LRP12: variants seen among roughly 807,000 people sequenced by gnomAD.
LRP12 encodes low-density lipoprotein receptor-related protein 12.
LRP12 carries 14 observed loss-of-function variants against 66.0 expected under a neutral mutation model. The ratio of observed to expected loss-of-function variants is 0.21; its 90% CI spans 0.14 to 0.33. The LOEUF (loss-of-function observed/expected upper bound fraction) is 0.33, where lower values mean the gene tolerates loss of function less well. LRP12 is among the 10% of genes least tolerant of loss of function. The probability of loss-of-function intolerance (pLI) is 1.00; values close to 1 mark genes in which losing one functional copy is unlikely to be tolerated. For synonymous variants in LRP12, 357 were observed against 359.1 expected, an observed-to-expected ratio of 0.99 and a Z score of 0.07; for missense variants, 889 against 1,053.4, an observed-to-expected ratio of 0.84 and a Z score of 2.16.
At chr8:104,554,121 C>G (rs576594091) in intron 1 of LRP12, among the ~76,000 whole-genome samples, 2 of 149,662 alleles carry the variant, frequency 1.3e-5, no homozygotes, top group African/African-American at 4.9e-5. Flanking sequence ...TGACTCTGAG[C>G]AGCAGCCCTT....
At chr8:104,558,101 T>G (rs1811840197) in intron 1 of LRP12, among the ~76,000 whole-genome samples, 1 of 152,086 alleles carries the variant, frequency 6.6e-6, no homozygotes, top group Non-Finnish European at 1.5e-5. Context: ...TCCCAGCTAC[T>G]CAGGAGGCTG....
At chr8:104,544,679 T>C (rs1047261445) in intron 1 of LRP12, among the ~76,000 whole-genome samples, 15 of 152,280 alleles carry the variant, frequency 9.9e-5, no homozygotes, top group African/African-American at 3.6e-4. Flanking sequence ...TAAACATCTG[T>C]TTACAGCATT....
At chr8:104,543,410 T>G (rs184195142) in intron 1 of LRP12, among the ~76,000 whole-genome samples, 19 of 152,242 alleles carry the variant, frequency 1.2e-4, no homozygotes, top group African/African-American at 4.3e-4. Flanking sequence ...TGCTTTGAGG[T>G]GCCATAACAT....
rs960008953 is a variant in LRP12, at chr8:104,543,049, A to G, written c.80-11086T>C. ...CACACACACATACACATACACCCAAAGAAGCATGCACAAAGACACTGAGTG... is the reference window on the plus strand; with the variant it reads ...CACACACACATACACATACACCCAAGGAAGCATGCACAAAGACACTGAGTG... On this transcript the variant is annotated intron_variant, in intron 1 of 6. Transcript: ENST00000276654. Among the ~76,000 whole-genome samples, 9 of 151,706 alleles carry G rather than the reference A, an allele frequency of 5.9e-5. No homozygotes were observed. In the South Asian group the frequency reaches 1.0e-3, roughly 18 times the overall value.
chr8:104,511,790 C>T (rs1811002442), intron 2 of LRP12, among the ~76,000 whole-genome samples: 1 of 152,098 alleles, frequency 6.6e-6, no homozygotes, highest in South Asian at 2.1e-4. Context: ...GGGTGCACTG[C>T]CAAAGGGCAT....
At chr8:104,555,584 T>C (rs1163792792) in intron 1 of LRP12, among the ~76,000 whole-genome samples, 1 of 152,026 alleles carries the variant, frequency 6.6e-6, no homozygotes, top group Non-Finnish European at 1.5e-5. Context: ...TATATAATGA[T>C]AAAAGGACTA....
At chr8:104,569,455 A>G (rs562919694) in intron 1 of LRP12, among the ~76,000 whole-genome samples, 2 of 152,272 alleles carry the variant, frequency 1.3e-5, no homozygotes, top group Non-Finnish European at 2.9e-5. Flanking sequence ...ATACACTACA[A>G]CCAAGTGGTT....
Position 104,589,244 on chromosome 8 carries a change from G to A in LRP12, c.-347C>T, listed in dbSNP as rs1260408552. Among the ~76,000 whole-genome samples the A allele has an allele frequency of 6.6e-6, 1 of 151,858 alleles. No homozygotes were observed. Among genetic ancestry groups the A allele is most frequent in the Non-Finnish European group, 1.5e-5 (1 of 67,910 alleles). On this transcript the variant is annotated 5_prime_UTR_variant, in exon 1 of 7. Transcript: ENST00000276654. ...CGCGCCGCTCGGGCTAGCCGGCGCC[G>A]CCACTCGCCAGACTGAGCGCGCGCC...
In LRP12 at chr8:104,547,226, T is replaced by C. The variant is rs566997168; in HGVS notation, c.80-15263A>G. Among the ~76,000 whole-genome samples, 227 of 137,066 alleles carry C rather than the reference T, an allele frequency of 1.7e-3. 2 individuals carry two copies. The highest frequency in any genetic ancestry group is 6.0e-3 in the African/African-American group (217 of 36,078). The allele number at this position is 137,066 out of a possible 152,430, so 89.9% of individuals were successfully genotyped here. The stretch of plus-strand genomic sequence containing the variant: ...TTGTATATAATATACAATTCTGTTA[T>C]ATTTTGTATATAATATACAATTCTG... On this transcript the variant is annotated intron_variant, in intron 1 of 6. Transcript: ENST00000276654.
intron 2 of LRP12, 136 bp downstream of exon 2, chr8:104,531,771 T>C (rs1335976445): frequency 4.9e-6 from 3 of 617,124 alleles, no homozygotes; most frequent in Non-Finnish European, 2.9e-6. Context: ...TTCCAGTTAC[T>C]TCATTCCTTA....
intron 3 of LRP12, among the ~76,000 whole-genome samples, chr8:104,500,519 A>G (rs1485048283): frequency 6.6e-6 from 1 of 152,078 alleles, no homozygotes; most frequent in Non-Finnish European, 1.5e-5. Flanking sequence ...CAGCCTGGCC[A>G]TGATGAAACC....
Position 104,566,144 on chromosome 8 carries a change from AAG to A in LRP12, c.79+22673_79+22674del, listed in dbSNP as rs1812001131. 7 of 492,476 alleles carry A rather than the reference AAG, an allele frequency of 1.4e-5. No homozygotes were observed. In the South Asian group the frequency reaches 2.0e-4, roughly 14 times the overall value. 30.5% of individuals were successfully genotyped at this position (492,476 alleles called of 1,614,324 possible). A position where few individuals can be genotyped will look rare whatever the true frequency, so the allele number is the denominator to read the frequency against. ...GGATTGGCTATATGCAAGAGTCCAT[AAG>A]AGAGGCTGAGAATATTGTACACAAA... is the stretch of plus-strand genomic sequence containing the variant. On this transcript the variant is annotated intron_variant, in intron 1 of 6. Coordinates refer to ENST00000276654, the MANE Select transcript of LRP12 (RefSeq NM_013437.5).
intron 1 of LRP12, among the ~76,000 whole-genome samples, chr8:104,587,704 G>T (rs1451701391): frequency 6.6e-6 from 1 of 152,144 alleles, no homozygotes; most frequent in Admixed American, 6.5e-5. Flanking sequence ...GATAACACTT[G>T]CTGACAAATT....
intron 2 of LRP12, 128 bp from the exon 3 acceptor site, chr8:104,509,202 AT>A (rs560107949): frequency 1.4e-4 from 92 of 680,174 alleles, no homozygotes; most frequent in Admixed American, 3.3e-4. Flanking sequence ...ATATGGTAGT[AT>A]CAACTTTAAA....
rs1011494090 is a variant in LRP12, at chr8:104,588,755, G to A, written c.79+64C>T. On this transcript the variant is annotated intron_variant, in intron 1 of 6. Transcript: ENST00000276654. Reference sequence around the variant, plus strand: ...CTCCAGGGGAACCCCCGTCCTGGAGGCCTCGGGGCCCGGGTCGCCTCAGCT... The same window carrying A: ...CTCCAGGGGAACCCCCGTCCTGGAGACCTCGGGGCCCGGGTCGCCTCAGCT... The A allele has an allele frequency of 1.2e-5, 18 of 1,457,114 alleles. No individual in the cohort carries two copies. The East Asian group carries it at 4.3e-4, about 35-fold the overall frequency. The allele number at this position is 1,457,114 out of a possible 1,614,324, so 90.3% of individuals were successfully genotyped here. A position where few individuals can be genotyped will look rare whatever the true frequency, so the allele number is the denominator to read the frequency against.
At position 104,588,921 on chromosome 8, in the gene LRP12, AGGAGGAGAC is replaced by A. The variant is rs755085299; in HGVS notation, c.-33_-25del. The A allele has an allele frequency of 3.8e-6, 6 of 1,571,132 alleles. No homozygotes were observed. Among genetic ancestry groups the A allele is most frequent in the East Asian group, 2.3e-5 (1 of 42,798 alleles). On this transcript the variant is annotated 5_prime_UTR_variant, in exon 1 of 7. Transcript: ENST00000276654. ...ATAACCACAGCAGATGGAGAGAGAG[AGGAGGAGAC>A]GGAGGAGGAGGGAGGAGAAGCTGGA... is the stretch of plus-strand genomic sequence containing the variant.
chr8:104,573,185 C>G (rs1176837775), intron 1 of LRP12, among the ~76,000 whole-genome samples: 3 of 152,150 alleles, frequency 2.0e-5, no homozygotes, highest in African/African-American at 7.2e-5. Context: ...CTTTTACATA[C>G]AAGTAATCAT....
chr8:104,501,675 G>C (rs146957326), intron 3 of LRP12, among the ~76,000 whole-genome samples: 321 of 149,126 alleles, frequency 2.2e-3, no homozygotes, highest in Middle Eastern at 3.5e-3. Flanking sequence ...CTGCACCCCA[G>C]CCTGGGCGAC....
In LRP12 at chr8:104,508,965, T is replaced by C. The variant is rs1321428736; in HGVS notation, c.246A>G (p.Ala82=). ...TTATAGTAATGATTTCGCCTGGGTT[T>C]GCCCTTATGAACCAGCTACAGTTGA... ...AKINCSWFIR[A]NPGEIITISF... Residue 82 remains alanine (A), a synonymous_variant, in exon 3 of 7, where the codon GCA becomes GCG. Coordinates refer to ENST00000276654, the MANE Select transcript of LRP12 (RefSeq NM_013437.5). The C allele has an allele frequency of 2.5e-6, 4 of 1,613,452 alleles. No homozygotes were observed. In the African/African-American group the frequency reaches 4.0e-5, roughly 16 times the overall value.
Sources: allele counts gnomAD v4.1 joint callset (sites outside exome capture counted in the v4.1 genomes callset), GRCh38; gene constraint gnomAD v4.1.1; transcripts MANE v1.5; gene names NCBI Gene and HGNC (gene_info 2026-07-23, HGNC 2026-07-21).